The following KIF7 variants were observed in gnomAD, a reference collection of about 807,000 sequenced individuals.
The protein encoded by KIF7 is kinesin family member 7, also known as kinesin-like protein KIF7.
In KIF7, 104 loss-of-function variants were observed where a neutral mutation model predicts 135.7. The ratio of observed to expected loss-of-function variants is 0.77; its 90% CI spans 0.65 to 0.90. The LOEUF (loss-of-function observed/expected upper bound fraction) is 0.90, where lower values mean the gene tolerates loss of function less well. Among genes scored for constraint, KIF7 ranks in the 40% least tolerant of loss-of-function variants. The probability of loss-of-function intolerance (pLI) is 0.00; values close to 1 mark genes in which losing one functional copy is unlikely to be tolerated. For synonymous variants in KIF7, 883 were observed against 809.4 expected (o/e 1.09, Z -1.54); for missense variants, 2,005 against 1,839.1 (o/e 1.09, Z -1.65).
intron 14 of KIF7, among the ~76,000 whole-genome samples, chr15:89,632,469 T>A (rs1963700649): frequency 6.6e-6 from 1 of 152,172 alleles, no homozygotes; most frequent in South Asian, 2.1e-4. Context: ...GTGAAATGAA[T>A]TGGAGGATGG....
Position 89,648,410 on chromosome 15 carries a change from G to T in KIF7, c.1288C>A (p.Pro430Thr). ...YSLLRELQAE[P>T]GLPGAAARKV... ...CGGGCGGCGGCGCCGGGCAGCCCGG[G>T]CTCGGCCTGCAGCTCGCGCAAGAGG... Residue 430 changes from proline (P) to threonine (T), a missense_variant, in exon 5 of 19, where the codon CCC becomes ACC. Transcript: ENST00000394412. The T allele has an allele frequency of 8.8e-7, 1 of 1,134,298 alleles. No individual in the cohort carries two copies. The highest frequency in any genetic ancestry group is 1.1e-6 in the Non-Finnish European group (1 of 925,212). 70.3% of individuals were successfully genotyped at this position (1,134,298 alleles called of 1,614,324 possible).
At chr15:89,632,707 G>T in intron 14 of KIF7, 113 bp downstream of exon 14, 2 of 1,167,246 alleles carry the variant, frequency 1.7e-6, no homozygotes, top group African/African-American at 1.5e-5. Flanking sequence ...CACTTTGCTA[G>T]ACCTCACCTG....
the KIF7 span, among the ~76,000 whole-genome samples, chr15:89,660,521 A>G: frequency 2.0e-5 from 3 of 152,200 alleles, no homozygotes; most frequent in Non-Finnish European, 2.9e-5. Context: ...TGGAGCAGCT[A>G]TCTTGGCTCA....
intron 1 of KIF7, among the ~76,000 whole-genome samples, chr15:89,618,617 C>G (rs545301949): frequency 6.6e-6 from 1 of 152,202 alleles, no homozygotes; most frequent in African/African-American, 2.4e-5. Context: ...ATTCCGTGCC[C>G]CCAACACACA....
intron 16 of KIF7, 109 bp downstream of exon 16, chr15:89,630,178 G>A: frequency 9.8e-7 from 1 of 1,023,616 alleles, no homozygotes; most frequent in Non-Finnish European, 1.5e-6. Flanking sequence ...TCCTGATTCT[G>A]TCCCCCAGTC....
chr15:89,632,673 C>A (rs1963705398), intron 14 of KIF7, 147 bp downstream of exon 14: 2 of 815,964 alleles, frequency 2.5e-6, no homozygotes, highest in Non-Finnish European at 4.1e-6. Flanking sequence ...CATCACCTGG[C>A]AGGTTTATCA....
intron 11 of KIF7, among the ~76,000 whole-genome samples, chr15:89,641,714 T>G (rs912038311): frequency 2.0e-5 from 3 of 152,064 alleles, no homozygotes; most frequent in African/African-American, 2.4e-5. Flanking sequence ...GACAGGAGAA[T>G]CACTTGAACC....
chr15:89,632,106 G>T (rs1317727063), intron 14 of KIF7, among the ~76,000 whole-genome samples: 1 of 152,228 alleles, frequency 6.6e-6, no homozygotes, highest in Non-Finnish European at 1.5e-5. Flanking sequence ...TCCTGGCGGA[G>T]GGAAGTTACG....
chr15:89,631,837 C>G, intron 14 of KIF7, 127 bp from the exon 15 acceptor site: 2 of 809,272 alleles, frequency 2.5e-6, no homozygotes, highest in Non-Finnish European at 3.8e-6. Flanking sequence ...AAATGTTCTG[C>G]TCAGCAGGGA....
At chr15:89,650,584 G>C (rs569966707) in intron 2 of KIF7, among the ~76,000 whole-genome samples, 9 of 152,080 alleles carry the variant, frequency 5.9e-5, no homozygotes, top group Non-Finnish European at 1.0e-4. Context: ...AGTAGAGATG[G>C]TGTTTCACCA....
At chr15:89,640,888 C>T (rs989701358) in intron 11 of KIF7, among the ~76,000 whole-genome samples, 16 of 151,510 alleles carry the variant, frequency 1.1e-4, no homozygotes, top group East Asian at 5.8e-4. Context: ...AGTGGCACCC[C>T]GCTACTCAGG....
chr15:89,649,087 C>T lies in KIF7; in HGVS notation c.810G>A (p.Lys270=). 1 of 1,548,076 alleles carries T rather than the reference C, an allele frequency of 6.5e-7. No homozygotes were observed. Among genetic ancestry groups the T allele is most frequent in the Non-Finnish European group, 8.7e-7 (1 of 1,146,758 alleles). ...GGCTGCTGTTGATCTGGATGCTCTC[C>T]TTGAGCCGCTCGCCGGTGCTGCCCG... ...LKTGSTGERL[K]ESIQINSSLL... Residue 270 remains lysine, a synonymous_variant, in exon 4 of 19, where the codon AAG becomes AAA. Transcript: ENST00000394412.
Position 89,648,565 on chromosome 15 carries a change from T to G in KIF7, c.1133A>C (p.His378Pro), listed in dbSNP as rs1164279929. 6.8e-7 allele frequency: 1 copy of G among 1,470,556 alleles called. No individual in the cohort carries two copies. Among genetic ancestry groups the G allele is most frequent in the East Asian group, 2.7e-5 (1 of 36,876 alleles). The allele number at this position is 1,470,556 out of a possible 1,614,324, so 91.1% of individuals were successfully genotyped here. Residue 378 changes from histidine to proline, a missense_variant, in exon 5 of 19, where the codon CAC becomes CCC. Physicochemically the swap from His to Pro is moderately conservative, Grantham distance 77 (BLOSUM62 -2). Coordinates refer to ENST00000394412, the MANE Select transcript of KIF7 (RefSeq NM_198525.3). ...GTGGATGATGCGGGTCTCGGAGCGGTGCCGTGGCGGACCCCGCGCGCCGCT... is the reference window on the plus strand; with the variant it reads ...GTGGATGATGCGGGTCTCGGAGCGGGGCCGTGGCGGACCCCGCGCGCCGCT... ...TASGARGPPR[H>P]RSETRIIHRG...
rs200157929 is a variant in KIF7, at chr15:89,629,139, G to A, written c.3518-17C>T. The A allele has an allele frequency of 2.4e-5, 39 of 1,610,558 alleles. 1 individual carries two copies. In the Middle Eastern group the frequency reaches 5.0e-4, roughly 21 times the overall value. ...CGAGGTGGTCTAGAGTGGAAAGGTC[G>A]AGGAGAGGGTGGTGAGGGCTGCAGG... On this transcript the variant is annotated splice_polypyrimidine_tract_variant and intron_variant, in intron 17 of 18. Coordinates refer to ENST00000394412, the MANE Select transcript of KIF7 (RefSeq NM_198525.3).
chr15:89,629,098 T>C lies in KIF7; in HGVS notation c.3542A>G (p.Asp1181Gly), dbSNP rs766236000. ...SRDHLGEGLADSRRQYEARIQ... is the reference protein window; with the variant it reads ...SRDHLGEGLAGSRRQYEARIQ... ...CCGGGCCTCATACTGCCTCCTGCTG[T>C]CTGCTAACCCTTCACCGAGGTGGTC... is the stretch of plus-strand genomic sequence containing the variant. Residue 1181 changes from aspartate to glycine, a missense_variant, in exon 18 of 19, where the codon GAC (aspartate) becomes GGC (glycine). Physicochemically the swap from Asp to Gly is moderately conservative, Grantham distance 94. Transcript: ENST00000394412. 5 of 1,612,654 alleles carry C rather than the reference T, an allele frequency of 3.1e-6. No homozygotes were observed. Among genetic ancestry groups the C allele is most frequent in the South Asian group, 1.1e-5 (1 of 91,008 alleles).
intron 8 of KIF7, 85 bp downstream of exon 8, chr15:89,645,808 G>A: frequency 9.2e-6 from 14 of 1,524,874 alleles, no homozygotes; most frequent in Non-Finnish European, 1.2e-5. Flanking sequence ...CTGCTGTCAG[G>A]AGAGGAGACG....
intron 12 of KIF7, 147 bp downstream of exon 12, chr15:89,633,539 A>G: frequency 2.2e-6 from 2 of 927,976 alleles, no homozygotes; most frequent in African/African-American, 1.6e-5. Flanking sequence ...CCACATTTTC[A>G]GATGAAAAAA....
chr15:89,625,208 C>G (rs922571539), downstream of KIF7: 1 of 1,613,638 alleles, frequency 6.2e-7, no homozygotes, highest in African/African-American at 1.3e-5. Context: ...TCCCACAGCA[C>G]ACCTGGCAAG....
chr15:89,646,132 G>A (rs1555424596), intron 7 of KIF7, 106 bp from the exon 8 acceptor site: 32 of 1,425,708 alleles, frequency 2.2e-5, no homozygotes, highest in African/African-American at 2.8e-5. Context: ...CCTTACCTTC[G>A]TGATCCAGCT....
Sources: allele counts gnomAD v4.1 joint callset (sites outside exome capture counted in the v4.1 genomes callset), GRCh38; gene constraint gnomAD v4.1.1; transcripts MANE v1.5; gene names NCBI Gene and HGNC (gene_info 2026-07-23, HGNC 2026-07-21).